Variants in RBFOX1 observed in about 807,000 individuals in gnomAD.
The protein encoded by RBFOX1 is RNA binding fox-1 homolog 1.
Under a neutral mutation model 57.7 loss-of-function variants are expected in RBFOX1, and 8 were observed. The observed-to-expected ratio is 0.14, with a 90% CI of 0.08 to 0.25. The LOEUF is 0.25. Among genes scored for constraint, RBFOX1 ranks in the 10% least tolerant of loss-of-function variants. The probability of loss-of-function intolerance (pLI) is 1.00; values close to 1 mark genes in which losing one functional copy is unlikely to be tolerated. For missense variants in RBFOX1, 611 were observed against 548.5 expected (o/e 1.11, Z -1.14); for synonymous variants, 326 against 222.4 (o/e 1.47, Z -4.15).
At chr16:5,257,823 A>T (rs1355125306) in intron 1 of RBFOX1, among the ~76,000 whole-genome samples, 4 of 152,150 alleles carry the variant, frequency 2.6e-5, no homozygotes, top group African/African-American at 9.7e-5. Flanking sequence ...GGAGACGGTC[A>T]GATCTCAAAA....
rs147145175 is a variant in RBFOX1, at chr16:6,836,509, C to T, written c.-16+181859C>T. Among the ~76,000 whole-genome samples, 564 of 152,278 alleles carry T rather than the reference C, an allele frequency of 3.7e-3. 5 individuals are homozygous for T. The highest frequency in any genetic ancestry group is 0.013 in the African/African-American group (537 of 41,550). On this transcript the variant is annotated intron_variant, in intron 3 of 15. Coordinates refer to ENST00000550418, the MANE Select transcript of RBFOX1 (RefSeq NM_018723.4). ...TGTATCACTTCAAACCTTCCTTCTA[C>T]GTGAGTTAGCCTTAGGGTATGACCA...
chr16:5,553,907 C>G (rs922322993), intron 2 of RBFOX1, among the ~76,000 whole-genome samples: 1 of 151,534 alleles, frequency 6.6e-6, no homozygotes, highest in Middle Eastern at 3.2e-3. Flanking sequence ...TCAGAGATGT[C>G]TGGACGATTG....
At chr16:6,232,831 C>G (rs763445412) in intron 1 of RBFOX1, among the ~76,000 whole-genome samples, 2 of 152,072 alleles carry the variant, frequency 1.3e-5, no homozygotes, top group East Asian at 1.9e-4. Context: ...AAGCTGGGTC[C>G]CTATGTGTTT....
intron 4 of RBFOX1, among the ~76,000 whole-genome samples, chr16:5,987,699 G>T (rs2060309477): frequency 6.6e-6 from 1 of 152,116 alleles, no homozygotes; most frequent in Non-Finnish European, 1.5e-5. Context: ...AGGCAACATA[G>T]CAAGGCCCCA....
chr16:6,525,449 A>T (rs1396825088), intron 2 of RBFOX1, among the ~76,000 whole-genome samples: 1 of 152,212 alleles, frequency 6.6e-6, no homozygotes, highest in Non-Finnish European at 1.5e-5. Context: ...GGTATCTTAA[A>T]AGTCAATGAA....
chr16:7,474,348 C>T (rs1027327446), intron 4 of RBFOX1, among the ~76,000 whole-genome samples: 2 of 152,152 alleles, frequency 1.3e-5, no homozygotes, highest in South Asian at 2.1e-4. Flanking sequence ...TGTTATGCTG[C>T]TGAGTAAATG....
intron 1 of RBFOX1, among the ~76,000 whole-genome samples, chr16:5,306,342 G>C (rs375242395): frequency 2.9e-4 from 43 of 146,146 alleles, no homozygotes; most frequent in African/African-American, 1.0e-3. Context: ...TTTTTGAGAC[G>C]GAGTTTCACC....
intron 1 of RBFOX1, among the ~76,000 whole-genome samples, chr16:5,317,356 C>T (rs536241903): frequency 1.3e-5 from 2 of 152,166 alleles, no homozygotes; most frequent in African/African-American, 2.4e-5. Flanking sequence ...TATCTGTAAT[C>T]CCAGCAGTTT....
intron 4 of RBFOX1, among the ~76,000 whole-genome samples, chr16:5,952,104 C>A (rs551795482): frequency 1.1e-4 from 16 of 149,564 alleles, no homozygotes; most frequent in South Asian, 1.1e-3. Context: ...TATATATACA[C>A]ACATATATGT....
At chr16:6,866,539 C>CTTTTTTTTTTTTTTTTT (rs1161474639) in intron 3 of RBFOX1, among the ~76,000 whole-genome samples, 1 of 49,086 alleles carries the variant, frequency 2.0e-5, no homozygotes, top group Non-Finnish European at 3.6e-5. Context: ...TTCTTTCCTT[C>CTTTTTTTTTTTTTTTTT]TATTTTTTTT....
chr16:6,999,365 C>A (rs113715461), intron 3 of RBFOX1, among the ~76,000 whole-genome samples: 201 of 151,508 alleles, frequency 1.3e-3, no homozygotes, highest in African/African-American at 4.3e-3. Flanking sequence ...CCAGGAGCTA[C>A]ATTTTTACTC....
At chr16:5,733,421 A>G (rs1291901368) in intron 3 of RBFOX1, among the ~76,000 whole-genome samples, 2 of 152,122 alleles carry the variant, frequency 1.3e-5, no homozygotes, top group Admixed American at 6.5e-5. Flanking sequence ...ATCAACTCCA[A>G]TGTGCAAGTG....
intron 3 of RBFOX1, among the ~76,000 whole-genome samples, chr16:6,870,265 C>G (rs565207091): frequency 6.6e-6 from 1 of 152,062 alleles, no homozygotes; most frequent in African/African-American, 2.4e-5. Flanking sequence ...AGAGCATTCC[C>G]TTTGGTCGCT....
intron 2 of RBFOX1, among the ~76,000 whole-genome samples, chr16:6,439,790 C>T (rs555475780): frequency 6.6e-6 from 1 of 152,188 alleles, no homozygotes; most frequent in Admixed American, 6.5e-5. Flanking sequence ...CTCTGGCCTT[C>T]CACATTACAA....
At chr16:6,422,571 C>T (rs1431375727) in intron 2 of RBFOX1, among the ~76,000 whole-genome samples, 3 of 152,136 alleles carry the variant, frequency 2.0e-5, no homozygotes, top group African/African-American at 4.8e-5. Flanking sequence ...ATAATGGATT[C>T]TGCTCCTGGG....
intron 2 of RBFOX1, among the ~76,000 whole-genome samples, chr16:6,349,848 A>G (rs116287771): frequency 9.3e-4 from 141 of 152,298 alleles, no homozygotes; most frequent in African/African-American, 3.3e-3. Flanking sequence ...AACTCCAAGA[A>G]TTCAGAGGTC....
intron 3 of RBFOX1, among the ~76,000 whole-genome samples, chr16:5,820,049 T>C (rs1011049710): frequency 6.6e-6 from 1 of 152,236 alleles, no homozygotes; most frequent in East Asian, 1.9e-4. Flanking sequence ...GTGACTTTAC[T>C]GCACACTCAC....
At chr16:7,066,348 G>T (rs1817449816) in intron 4 of RBFOX1, among the ~76,000 whole-genome samples, 1 of 152,184 alleles carries the variant, frequency 6.6e-6, no homozygotes, top group Non-Finnish European at 1.5e-5. Flanking sequence ...TTTTAGAAAG[G>T]AGCTAAAATG....
At chr16:6,022,017 C>G (rs1268360725) in intron 1 of RBFOX1, among the ~76,000 whole-genome samples, 1 of 152,158 alleles carries the variant, frequency 6.6e-6, no homozygotes, top group African/African-American at 2.4e-5. Flanking sequence ...CACACGTTTT[C>G]TTTTAAGTAA....
Sources: gnomAD v4.1 joint callset for allele counts (sites outside exome capture counted in the v4.1 genomes callset) on GRCh38, gnomAD v4.1.1 for gene constraint, MANE v1.5 for transcripts, NCBI Gene and HGNC (gene_info 2026-07-23, HGNC 2026-07-21) for gene names.